The following CEP131 variants were observed in gnomAD, a reference collection of about 807,000 sequenced individuals.
The protein encoded by CEP131 is centrosomal protein 131, also known as centrosomal protein of 131 kDa.
Under a neutral mutation model 136.8 loss-of-function variants are expected in CEP131, and 99 were observed. The ratio of observed to expected loss-of-function variants is 0.72; its 90% CI spans 0.62 to 0.86. CEP131 has a LOEUF of 0.86. Ranked by LOEUF, CEP131 falls within the 40% of genes least tolerant of loss-of-function variation. The pLI is 0.00. For missense variants in CEP131, 1,459 were observed against 1,463.0 expected (o/e 1.00, Z 0.04); for synonymous variants, 646 against 612.7 (o/e 1.05, Z -0.80).
Position 81,197,717 on chromosome 17 carries a change from G to A in CEP131, c.1642C>T (p.Gln548Ter). The change falls in exon 13 of 26, where the codon CAG (glutamine) becomes TAG (stop). Residue 548 changes from glutamine (Q) to a stop codon, truncating the protein, a stop_gained. Coordinates refer to ENST00000450824, the MANE Select transcript of CEP131 (RefSeq NM_014984.4). LOFTEE classifies it high-confidence loss of function. Reference sequence around the variant, plus strand: ...GCGGGCTGGTGAGGGGCCACCTCCTGCTGGGAGTCCAGCTGGTCCTGCCCA... The same window carrying A: ...GCGGGCTGGTGAGGGGCCACCTCCTACTGGGAGTCCAGCTGGTCCTGCCCA... ...KSGQDQLDSQQEGWVPEAGPG... is the reference protein window; with the variant it reads ...KSGQDQLDSQ The A allele has an allele frequency of 6.2e-7, 1 of 1,610,150 alleles. No individual in the cohort carries two copies. The highest frequency in any genetic ancestry group is 8.5e-7 in the Non-Finnish European group (1 of 1,178,438).
In CEP131 at chr17:81,219,610, T is replaced by A. The variant is rs539585276; in HGVS notation, c.177+270A>T. On this transcript the variant is annotated intron_variant, in intron 2 of 25. Transcript: ENST00000450824. This position sits in a 1 kb window ranked among gnomAD's most constrained non-coding sequence, Gnocchi z 4.0. ...ACCGAGCCCAGCCAACCCCATTTCC[T>A]GAGGATTCAAACAAATCCAAAGGGC... is the stretch of plus-strand genomic sequence containing the variant. 1.3e-5 allele frequency among the ~76,000 whole-genome samples: 2 copies of A among 152,164 alleles called. No individual in the cohort carries two copies. The highest frequency in any genetic ancestry group is 3.9e-4 in the East Asian group (2 of 5,168).
chr17:81,214,747 G>A (rs961199178), intron 2 of CEP131, among the ~76,000 whole-genome samples: 4 of 152,078 alleles, frequency 2.6e-5, no homozygotes, highest in South Asian at 4.2e-4. Context: ...TGATCTTTAC[G>A]GACAGCAACT....
At position 81,208,492 on chromosome 17, in the gene CEP131, G is replaced by A. The variant is rs937536467; in HGVS notation, c.272+436C>T. On this transcript the variant is annotated intron_variant, in intron 3 of 25. Coordinates refer to ENST00000450824, the MANE Select transcript of CEP131 (RefSeq NM_014984.4). This position sits in a 1 kb window ranked among gnomAD's most constrained non-coding sequence, Gnocchi z 5.6. ...CATTGAGGCAGCTCCTCCCCAGCCCGCTGGTTTGGAGGCCGCAAGGGACAG... is the reference window on the plus strand; with the variant it reads ...CATTGAGGCAGCTCCTCCCCAGCCCACTGGTTTGGAGGCCGCAAGGGACAG... Among the ~76,000 whole-genome samples the A allele has an allele frequency of 2.0e-5, 3 of 152,202 alleles. No individual in the cohort carries two copies. The highest frequency in any genetic ancestry group is 6.5e-5 in the Admixed American group (1 of 15,282).
chr17:81,197,107 C>T, intron 13 of CEP131, 52 bp from the exon 14 acceptor site: 1 of 1,550,590 alleles, frequency 6.4e-7, no homozygotes, highest in Non-Finnish European at 8.7e-7. Flanking sequence ...GGGGGGCAGC[C>T]AAGGACCTGA....
intron 8 of CEP131, 176 bp downstream of exon 8, chr17:81,200,153 T>C (rs1430733540): frequency 1.6e-6 from 1 of 628,416 alleles, no homozygotes; most frequent in Non-Finnish European, 2.8e-6. Context: ...GGACCGCCAG[T>C]GAGGACCACC....
Position 81,219,588 on chromosome 17 carries a change from G to A in CEP131, c.177+292C>T, listed in dbSNP as rs1325087186. Among the ~76,000 whole-genome samples, 1 of 152,142 alleles carries A rather than the reference G, an allele frequency of 6.6e-6. No homozygotes were observed. The highest frequency in any genetic ancestry group is 2.4e-5 in the African/African-American group (1 of 41,496). ...GCTGAGATTACAGGCGTGAGCCACCGAGCCCAGCCAACCCCATTTCCTGAG... is the reference window on the plus strand; with the variant it reads ...GCTGAGATTACAGGCGTGAGCCACCAAGCCCAGCCAACCCCATTTCCTGAG... On this transcript the variant is annotated intron_variant, in intron 2 of 25. Transcript: ENST00000450824. The surrounding 1 kb of genome is among the most constrained non-coding windows in gnomAD (Gnocchi z 4.0).
intron 15 of CEP131, 55 bp from the exon 16 acceptor site, chr17:81,196,006 C>T (rs1598276688): frequency 6.9e-7 from 1 of 1,451,088 alleles, no homozygotes; most frequent in Non-Finnish European, 9.5e-7. Context: ...CCAGCAGGAC[C>T]CCTGATGGAG....
chr17:81,195,114 G>GCC (rs2061726780), intron 16 of CEP131, 142 bp from the exon 17 acceptor site: 2 of 596,394 alleles, frequency 3.4e-6, no homozygotes, highest in African/African-American at 2.4e-5. Flanking sequence ...CCCCGAGACA[G>GCC]AGCCACTGCT....
chr17:81,201,140 G>A (rs551250047), intron 7 of CEP131, among the ~76,000 whole-genome samples: 4 of 152,290 alleles, frequency 2.6e-5, no homozygotes, highest in Admixed American at 6.5e-5. Flanking sequence ...CTCAGCAAAG[G>A]CACTAACAGA....
Position 81,192,474 on chromosome 17 carries a change from A to T in CEP131, c.2547+2T>A, listed in dbSNP as rs1253910414. On this transcript the variant is annotated splice_donor_variant, in intron 20 of 25. Coordinates refer to ENST00000450824, the MANE Select transcript of CEP131 (RefSeq NM_014984.4). LOFTEE classifies it high-confidence loss of function. Reference sequence around the variant, plus strand: ...GCCCAGCACAGCCCTCCGGTGGTAGACCTGGTGCCGGCGCTCCTGCTCCTC... The same window carrying T: ...GCCCAGCACAGCCCTCCGGTGGTAGTCCTGGTGCCGGCGCTCCTGCTCCTC... 1.2e-6 allele frequency: 2 copies of T among 1,611,754 alleles called. No individual in the cohort carries two copies. Among genetic ancestry groups the T allele is most frequent in the Non-Finnish European group, 1.7e-6 (2 of 1,179,766 alleles).
chr17:81,209,105 GCAGT>G (rs2062078269), intron 2 of CEP131, 83 bp from the exon 3 acceptor site: 4 of 1,055,778 alleles, frequency 3.8e-6, no homozygotes, highest in Non-Finnish European at 5.6e-6. Context: ...TTGGAGAAAC[GCAGT>G]CAGAGAACAG....
At position 81,199,424 on chromosome 17, in the gene CEP131, T is replaced by C. The variant is rs2725419; in HGVS notation, c.1149A>G (p.Thr383=). Residue 383 remains threonine (T), a synonymous_variant, in exon 10 of 26, where the codon ACA becomes ACG. Transcript: ENST00000450824. The stretch of plus-strand genomic sequence containing the variant: ...GGGCCTGGTGGGCAGTGCCGCCTGG[T>C]GTGGGGGACAGCTCCTGAGCAGGCT... ...MRQPAQELSP[T]PGGTAHQALK... is the part of the protein sequence containing the mutation. The C allele has an allele frequency of 0.96, 1,540,027 of 1,607,192 alleles. 739,166 individuals carry two copies. The highest frequency in any genetic ancestry group is 0.97 in the Non-Finnish European group (1,145,472 of 1,178,030).
intron 11 of CEP131, 106 bp from the exon 12 acceptor site, chr17:81,198,403 C>T: frequency 2.6e-6 from 3 of 1,172,562 alleles, no homozygotes; most frequent in Non-Finnish European, 3.5e-6. Flanking sequence ...GGGAGCTCCC[C>T]AGTCCCGACA....
chr17:81,199,277 A>G (rs1476678408), intron 10 of CEP131, 104 bp downstream of exon 10: 4 of 1,331,324 alleles, frequency 3.0e-6, no homozygotes, highest in Non-Finnish European at 4.0e-6. Context: ...GGCCGCCAAC[A>G]TGGGCAGCAG....
At chr17:81,211,794 G>A (rs62075320) in intron 2 of CEP131, among the ~76,000 whole-genome samples, 11,511 of 151,950 alleles carry the variant, frequency 0.076, 564 homozygotes, top group Non-Finnish European at 0.11. Flanking sequence ...TTAGCCAGGC[G>A]TGGTGGCATG....
rs777702625 is a variant in CEP131 at position 81,193,945 on chromosome 17, G to A, written c.2302C>T (p.Arg768Cys). 2.3e-5 allele frequency: 35 copies of A among 1,538,562 alleles called. No homozygotes were observed. The highest frequency in any genetic ancestry group is 6.0e-5 in the Admixed American group (3 of 49,928). The change falls in exon 18 of 26, where the codon CGC becomes TGC. Residue 768 changes from arginine (R) to cysteine (C), a missense_variant. By Grantham distance (180) the Arg-to-Cys change is radical. Coordinates refer to ENST00000450824, the MANE Select transcript of CEP131 (RefSeq NM_014984.4). ...REKEALGQQE[R>C]ERARQRFQQH... ...ACCCACCGCTGCCGAGCACGTTCGC[G>A]CTCCTGCTGGCCCAGCGCCTCCTTC...
At chr17:81,199,096 G>A (rs775152683) in intron 10 of CEP131, 125 bp from the exon 11 acceptor site, 154 of 964,476 alleles carry the variant, frequency 1.6e-4, no homozygotes, top group Admixed American at 4.4e-4. Context: ...CAGAGGAGCC[G>A]CTGGGGAGCC....
At chr17:81,210,756 G>T (rs962705290) in intron 2 of CEP131, among the ~76,000 whole-genome samples, 3 of 148,294 alleles carry the variant, frequency 2.0e-5, no homozygotes, top group Non-Finnish European at 4.4e-5. Flanking sequence ...CAGGAAAAGA[G>T]ACCTATGAAC....
rs1293496215 is a variant in CEP131 at position 81,198,297 on chromosome 17, C to A, written c.1288G>T (p.Asp430Tyr). Residue 430 changes from aspartate (D) to tyrosine (Y), a missense_variant and splice_region_variant, in exon 12 of 26, where the codon GAC becomes TAC. Physicochemically the swap from Asp to Tyr is radical, Grantham distance 160. This residue lies in a region of CEP131 where 1,026 missense variants were observed against 964.2 expected (regional missense o/e 1.06). Transcript: ENST00000450824. ...PQQPPEDRTQDVLAQDAAGDN... is the reference protein window; with the variant it reads ...PQQPPEDRTQYVLAQDAAGDN... ...CCAGCTGCATCCTGGGCAAGAACGT[C>A]CTGCAAAAGAGCAGGGAGACAGATG... 1.3e-6 allele frequency: 2 copies of A among 1,594,314 alleles called. No individual in the cohort carries two copies. The highest frequency in any genetic ancestry group is 8.6e-7 in the Non-Finnish European group (1 of 1,169,456).
Sources: allele counts gnomAD v4.1 joint callset (sites outside exome capture counted in the v4.1 genomes callset), GRCh38; gene constraint gnomAD v4.1.1; regional missense constraint gnomAD v4.1.1; non-coding constraint Gnocchi (gnomAD v3.1); transcripts MANE v1.5; gene names NCBI Gene and HGNC (gene_info 2026-07-23, HGNC 2026-07-21).